Variants in ZNF730 observed in about 807,000 individuals in gnomAD.
The protein encoded by ZNF730 is putative zinc finger protein 730.
A neutral mutation model predicts 12.6 loss-of-function variants in ZNF730; 12 were observed. The ratio of observed to expected loss-of-function variants is 0.95; its 90% CI spans 0.61 to 1.54. The LOEUF (loss-of-function observed/expected upper bound fraction) is 1.54, where lower values mean the gene tolerates loss of function less well. Among genes scored for constraint, ZNF730 ranks in the 40% most tolerant of loss-of-function variants. The probability of loss-of-function intolerance (pLI) is 0.00; values close to 1 mark genes in which losing one functional copy is unlikely to be tolerated. For synonymous variants in ZNF730, 194 were observed against 195.8 expected, an observed-to-expected ratio of 0.99 and a Z score of 0.08; for missense variants, 643 against 583.5, an observed-to-expected ratio of 1.10 and a Z score of -1.05.
intron 1 of ZNF730, among the ~76,000 whole-genome samples, chr19:23,122,834 GTGTTTTAAC>G (rs1439349693): frequency 4.6e-5 from 7 of 152,130 alleles, no homozygotes; most frequent in African/African-American, 1.7e-4. Flanking sequence ...GAAATATAAA[GTGTTTTAAC>G]TGAATTATGG....
chr19:23,088,082 G>A (rs776241172), intron 1 of ZNF730, among the ~76,000 whole-genome samples: 19 of 151,918 alleles, frequency 1.3e-4, no homozygotes, highest in African/African-American at 2.2e-4. Flanking sequence ...GCAGTGGTGC[G>A]ATCTTGGCTC....
intron 1 of ZNF730, among the ~76,000 whole-genome samples, chr19:23,097,359 G>T (rs1442966227): frequency 6.6e-6 from 1 of 152,070 alleles, no homozygotes; most frequent in African/African-American, 2.4e-5. Context: ...CTTTTCACCT[G>T]CCTGGTGTCT....
chr19:23,092,788 ATTCTGGTGGATAAGTTTTTTCATTT>A (rs1970178668), intron 1 of ZNF730, among the ~76,000 whole-genome samples: 1 of 152,028 alleles, frequency 6.6e-6, no homozygotes, highest in East Asian at 1.9e-4. Flanking sequence ...AGCCTACCTG[ATTCTGGTGGATAAGTTTTTTCATTT>A]GCTGCTGAAT....
chr19:23,145,303 C>G lies in ZNF730; in HGVS notation c.259C>G (p.Pro87Ala), dbSNP rs1473399178. 1.9e-6 allele frequency: 3 copies of G among 1,567,876 alleles called. No homozygotes were observed. Among genetic ancestry groups the G allele is most frequent in the Non-Finnish European group, 2.6e-6 (3 of 1,160,766 alleles). The change falls in exon 4 of 4, where the codon CCA becomes GCA. Residue 87 changes from proline to alanine, a missense_variant. Coordinates refer to ENST00000597761, the MANE Select transcript of ZNF730 (RefSeq NM_001277403.2). ...ICSHIAQDLWPEQGIKDYFQE... is the reference protein window; with the variant it reads ...ICSHIAQDLWAEQGIKDYFQE... The stretch of plus-strand genomic sequence containing the variant: ...TTCTCATATTGCCCAAGACCTTTGG[C>G]CAGAGCAAGGCATAAAAGATTATTT...
intron 1 of ZNF730, among the ~76,000 whole-genome samples, chr19:23,111,317 G>A (rs1555713979): frequency 6.6e-6 from 1 of 151,842 alleles, no homozygotes; most frequent in Non-Finnish European, 1.5e-5. Context: ...TTTAATGCAT[G>A]TTTTCTTGTA....
chr19:23,083,595 GTT>G (rs541018274), intron 1 of ZNF730, among the ~76,000 whole-genome samples: 1 of 139,618 alleles, frequency 7.2e-6, no homozygotes, highest in Non-Finnish European at 1.6e-5. Flanking sequence ...ATTAGTGCTT[GTT>G]TTTTTTTTTT....
rs73031441 is a variant in ZNF730 at position 23,147,058 on chromosome 19, A to G, written c.*502A>G. 0.054 allele frequency: 14,057 copies of G among 259,084 alleles called. 438 individuals are homozygous for G. The highest frequency in any genetic ancestry group is 0.086 in the Middle Eastern group (59 of 690). 16.0% of individuals were successfully genotyped at this position (259,084 alleles called of 1,614,324 possible). Reference sequence around the variant, plus strand: ...TACTGGAGAAAACTTCTACAAGTGTAAACAAAGTGGCAAAACTTTTAACCA... The same window carrying G: ...TACTGGAGAAAACTTCTACAAGTGTGAACAAAGTGGCAAAACTTTTAACCA... On this transcript the variant is annotated 3_prime_UTR_variant, in exon 4 of 4. Transcript: ENST00000597761.
chr19:23,129,572 TCC>T (rs35242637), intron 1 of ZNF730, among the ~76,000 whole-genome samples: 2 of 138,486 alleles, frequency 1.4e-5, no homozygotes, highest in African/African-American at 5.6e-5. Flanking sequence ...AATGCTTGTA[TCC>T]CCCCCCCCAT....
chr19:23,103,692 C>T (rs1599580356), intron 1 of ZNF730, among the ~76,000 whole-genome samples: 1 of 152,030 alleles, frequency 6.6e-6, no homozygotes, highest in African/African-American at 2.4e-5. Flanking sequence ...GGTGTTTATT[C>T]CATCTTTAGG....
intron 1 of ZNF730, among the ~76,000 whole-genome samples, chr19:23,118,149 G>C (rs1260041058): frequency 1.3e-5 from 2 of 151,912 alleles, no homozygotes; most frequent in Non-Finnish European, 2.9e-5. Context: ...GTCCTTTAGG[G>C]TACATTTTTG....
At chr19:23,123,806 T>A (rs927386135) in intron 1 of ZNF730, 8 of 154,450 alleles carry the variant, frequency 5.2e-5, no homozygotes, top group African/African-American at 1.7e-4. Flanking sequence ...CTTGCTCAGA[T>A]TGAGAGCTGT....
intron 1 of ZNF730, among the ~76,000 whole-genome samples, chr19:23,098,066 C>T (rs1348441319): frequency 3.3e-5 from 5 of 151,878 alleles, no homozygotes; most frequent in Admixed American, 3.3e-4. Flanking sequence ...ATCACTTGAA[C>T]CCAAGAAGTG....
intron 3 of ZNF730, among the ~76,000 whole-genome samples, chr19:23,141,670 ATTAT>A (rs1970922945): frequency 6.6e-6 from 1 of 152,020 alleles, no homozygotes; most frequent in South Asian, 2.1e-4. Context: ...TTTTTTTCTC[ATTAT>A]TTATAGTCTC....
At chr19:23,078,339 C>G (rs745582260) in intron 1 of ZNF730, among the ~76,000 whole-genome samples, 46 of 151,610 alleles carry the variant, frequency 3.0e-4, no homozygotes, top group South Asian at 6.3e-4. Flanking sequence ...GTGTAAAACC[C>G]GATTGTATGT....
At chr19:23,106,816 A>C (rs1970397330) in intron 1 of ZNF730, among the ~76,000 whole-genome samples, 1 of 151,514 alleles carries the variant, frequency 6.6e-6, no homozygotes, top group South Asian at 2.1e-4. Flanking sequence ...AAAAGGTTGG[A>C]ATGAAAGGTC....
At chr19:23,126,805 C>T in intron 1 of ZNF730, 1 of 528,304 alleles carries the variant, frequency 1.9e-6, no homozygotes, top group South Asian at 1.5e-5. Flanking sequence ...TTATTTTTTG[C>T]TCTTGCTTTA....
At chr19:23,085,562 TG>T (rs1970047120) in intron 1 of ZNF730, among the ~76,000 whole-genome samples, 1 of 135,608 alleles carries the variant, frequency 7.4e-6, no homozygotes, top group South Asian at 2.6e-4. Flanking sequence ...TCACCGAGGC[TG>T]GAGTGCGGTG....
At chr19:23,132,718 G>A (rs920357267) in intron 1 of ZNF730, among the ~76,000 whole-genome samples, 1 of 152,112 alleles carries the variant, frequency 6.6e-6, no homozygotes, top group Admixed American at 6.5e-5. Context: ...TTCTCCATCA[G>A]CTCTATGTAG....
At chr19:23,130,353 G>A (rs1419449108) in intron 1 of ZNF730, among the ~76,000 whole-genome samples, 1 of 152,130 alleles carries the variant, frequency 6.6e-6, no homozygotes, top group Non-Finnish European at 1.5e-5. Context: ...GGCCTCCTCA[G>A]CCACGTAGAA....
Sources: gnomAD v4.1 joint callset for allele counts (sites outside exome capture counted in the v4.1 genomes callset) on GRCh38, gnomAD v4.1.1 for gene constraint, MANE v1.5 for transcripts, NCBI Gene and HGNC (gene_info 2026-07-23, HGNC 2026-07-21) for gene names.